RBFOX1: variants seen among roughly 807,000 people sequenced by gnomAD.
RBFOX1 encodes the protein RNA binding protein fox-1 homolog 1.
Under a neutral mutation model 57.7 loss-of-function variants are expected in RBFOX1, and 8 were observed. The ratio of observed to expected loss-of-function variants is 0.14; its 90% CI spans 0.08 to 0.25. RBFOX1 has a LOEUF of 0.25. Ranked by LOEUF, RBFOX1 falls within the 10% of genes least tolerant of loss-of-function variation. The pLI, the probability that RBFOX1 is intolerant of heterozygous loss-of-function variation, is 1.00. For missense variants in RBFOX1, 611 were observed against 548.5 expected (o/e 1.11, Z -1.14); for synonymous variants, 326 against 222.4 (o/e 1.47, Z -4.15).
At chr16:6,259,491 A>G (rs2097688610) in intron 1 of RBFOX1, among the ~76,000 whole-genome samples, 2 of 152,182 alleles carry the variant, frequency 1.3e-5, no homozygotes, top group South Asian at 4.2e-4. Flanking sequence ...GAACTAGGTA[A>G]AATATCTTTC....
intron 4 of RBFOX1, among the ~76,000 whole-genome samples, chr16:5,997,281 G>T (rs2060507675): frequency 6.6e-6 from 1 of 152,238 alleles, no homozygotes; most frequent in Admixed American, 6.5e-5. Flanking sequence ...GACCTCTACA[G>T]TTAAGGAGAA....
At chr16:5,572,879 G>A (rs987665784) in intron 2 of RBFOX1, among the ~76,000 whole-genome samples, 1 of 152,170 alleles carries the variant, frequency 6.6e-6, no homozygotes, top group Non-Finnish European at 1.5e-5. Flanking sequence ...CAGGGTTGAG[G>A]CCAGACAGGT....
chr16:7,592,732 C>G (rs546649202), intron 7 of RBFOX1, among the ~76,000 whole-genome samples: 3 of 152,166 alleles, frequency 2.0e-5, no homozygotes, highest in Admixed American at 6.6e-5. Flanking sequence ...TTGGCTGTAC[C>G]TCTACATGTA....
intron 3 of RBFOX1, among the ~76,000 whole-genome samples, chr16:6,854,061 C>A (rs1363159635): frequency 1.1e-4 from 17 of 152,254 alleles, no homozygotes; most frequent in African/African-American, 4.1e-4. Flanking sequence ...TTGTTCCTTC[C>A]AGAAATCCTA....
At position 5,508,519 on chromosome 16, in the gene RBFOX1, G is replaced by A. The variant is rs557574342; in HGVS notation, c.258+41265G>A. The stretch of plus-strand genomic sequence containing the variant: ...ACAGGTCCTGCCCACTCCCGAGGTC[G>A]GGTGGGAGATTGCACAGAGTGATTG... On this transcript the variant is annotated intron_variant, in intron 2 of 2. Coordinates refer to the RBFOX1 transcript ENST00000585867. 2.1e-3 allele frequency among the ~76,000 whole-genome samples: 315 copies of A among 152,324 alleles called. 4 individuals are homozygous for A. The highest frequency in any genetic ancestry group is 3.4e-3 in the Middle Eastern group (1 of 294).
chr16:7,233,530 T>A (rs1177343998), intron 4 of RBFOX1, among the ~76,000 whole-genome samples: 1 of 152,168 alleles, frequency 6.6e-6, no homozygotes, highest in Non-Finnish European at 1.5e-5. Flanking sequence ...GTGGAAATTA[T>A]TATTAAAGTC....
intron 3 of RBFOX1, among the ~76,000 whole-genome samples, chr16:6,749,559 G>T (rs2074494381): frequency 6.6e-6 from 1 of 152,158 alleles, no homozygotes; most frequent in African/African-American, 2.4e-5. Context: ...CCAGCAGGCA[G>T]CCATGCCGAT....
chr16:7,097,606 T>A (rs1250619096), intron 4 of RBFOX1, among the ~76,000 whole-genome samples: 1 of 152,230 alleles, frequency 6.6e-6, no homozygotes, highest in African/African-American at 2.4e-5. Context: ...AATTAGATGC[T>A]GTTGCCACTC....
intron 2 of RBFOX1, among the ~76,000 whole-genome samples, chr16:6,571,251 C>G (rs1276835912): frequency 6.6e-6 from 1 of 152,208 alleles, no homozygotes; most frequent in Non-Finnish European, 1.5e-5. Context: ...ATGTGAGCTG[C>G]TGCTCCCAGG....
intron 3 of RBFOX1, among the ~76,000 whole-genome samples, chr16:6,815,532 C>T (rs9941059): frequency 0.03 from 4,615 of 152,264 alleles, 215 homozygotes; most frequent in African/African-American, 0.1. Context: ...GCATCCCCTA[C>T]GCCAGACATT....
intron 1 of RBFOX1, among the ~76,000 whole-genome samples, chr16:5,241,750 A>G (rs1443377294): frequency 6.6e-6 from 1 of 152,170 alleles, no homozygotes; most frequent in East Asian, 1.9e-4. Context: ...CTTAGGACTG[A>G]AACTTACGCC....
chr16:5,809,194 A>G (rs1229537666), intron 3 of RBFOX1, among the ~76,000 whole-genome samples: 3 of 152,180 alleles, frequency 2.0e-5, no homozygotes, highest in Non-Finnish European at 4.4e-5. Context: ...CAAGACTTAA[A>G]CATTAGACCT....
upstream of RBFOX1, among the ~76,000 whole-genome samples, chr16:6,014,949 A>T (rs1483410629): frequency 6.6e-6 from 1 of 151,194 alleles, no homozygotes; most frequent in East Asian, 2.0e-4. Context: ...TCAAGCTCCC[A>T]GGCTTAAGCA....
chr16:5,554,586 T>G (rs1411134558), intron 2 of RBFOX1, among the ~76,000 whole-genome samples: 3 of 152,258 alleles, frequency 2.0e-5, no homozygotes, highest in Non-Finnish European at 4.4e-5. Flanking sequence ...ATGCACAGTT[T>G]TGCATTCAAT....
chr16:7,583,006 C>A (rs1308547655), intron 6 of RBFOX1, among the ~76,000 whole-genome samples: 3 of 151,836 alleles, frequency 2.0e-5, no homozygotes, highest in Non-Finnish European at 4.4e-5. Context: ...GCAGATGACT[C>A]ATTTTATTTC....
chr16:7,360,766 G>T (rs1174807685), intron 4 of RBFOX1, among the ~76,000 whole-genome samples: 7 of 152,132 alleles, frequency 4.6e-5, no homozygotes, highest in African/African-American at 1.7e-4. Flanking sequence ...TCCTATCTGT[G>T]TTGGCCAAGT....
intron 4 of RBFOX1, among the ~76,000 whole-genome samples, chr16:7,053,035 G>C (rs964477474): frequency 4.6e-5 from 7 of 152,164 alleles, no homozygotes; most frequent in Non-Finnish European, 1.0e-4. Context: ...TAATAAATAA[G>C]CATAATGTAT....
intron 1 of RBFOX1, among the ~76,000 whole-genome samples, chr16:6,064,939 A>G (rs1567367575): frequency 6.6e-6 from 1 of 152,026 alleles, no homozygotes; most frequent in Non-Finnish European, 1.5e-5. Context: ...ACAGGTCTTG[A>G]GTAAGACCCA....
intron 3 of RBFOX1, among the ~76,000 whole-genome samples, chr16:5,748,937 C>T (rs544794208): frequency 4.6e-5 from 7 of 152,224 alleles, no homozygotes; most frequent in South Asian, 2.1e-4. Flanking sequence ...TTATTTTGCT[C>T]GTTAATTGAT....
Sources: allele counts gnomAD v4.1 joint callset (sites outside exome capture counted in the v4.1 genomes callset), GRCh38; gene constraint gnomAD v4.1.1; transcripts MANE v1.5; gene names NCBI Gene and HGNC (gene_info 2026-07-23, HGNC 2026-07-21).